The following EPHA5 variants were observed in gnomAD, a reference collection of about 807,000 sequenced individuals.
The protein encoded by EPHA5 is EPH receptor A5, also known as ephrin type-A receptor 5.
EPHA5 carries 60 observed loss-of-function variants against 105.0 expected under a neutral mutation model. The ratio of observed to expected loss-of-function variants is 0.57; its 90% CI spans 0.46 to 0.71. The LOEUF is 0.71. EPHA5 is among the 30% of genes least tolerant of loss of function. The probability of loss-of-function intolerance (pLI) is 0.00; values close to 1 mark genes in which losing one functional copy is unlikely to be tolerated. For synonymous variants in EPHA5, 513 were observed against 449.1 expected, an observed-to-expected ratio of 1.14 and a Z score of -1.80; for missense variants, 1,218 against 1,274.7, an observed-to-expected ratio of 0.96 and a Z score of 0.68.
At chr4:65,455,325 T>C (rs4280786) in intron 5 of EPHA5, among the ~76,000 whole-genome samples, 19,628 of 152,182 alleles carry the variant, frequency 0.13, 1,805 homozygotes, top group East Asian at 0.4. Context: ...TAGTGGGAAA[T>C]CACCTAAATT....
chr4:65,571,253 C>A (rs568168825), intron 3 of EPHA5, among the ~76,000 whole-genome samples: 1 of 150,722 alleles, frequency 6.6e-6, no homozygotes, highest in Non-Finnish European at 1.5e-5. Context: ...TAAAAAGGAA[C>A]GCTTATTAAT....
intron 5 of EPHA5, among the ~76,000 whole-genome samples, chr4:65,435,857 A>C (rs899767002): frequency 6.6e-6 from 1 of 152,142 alleles, no homozygotes; most frequent in African/African-American, 2.4e-5. Context: ...GGTGGATTCA[A>C]TTATCTGACT....
Position 65,348,107 on chromosome 4 carries a change from A to G in EPHA5, c.2542T>C (p.Trp848Arg). The change falls in exon 14 of 17, where the codon TGG becomes CGG. Residue 848 changes from tryptophan to arginine, a missense_variant. Physicochemically the swap from Trp to Arg is moderately radical, Grantham distance 101. Transcript: ENST00000613740. ...CTCTCTCCATAAGACACAACTTCCC[A>G]CATTACTATTCCATAACTCCAGACA... is the stretch of plus-strand genomic sequence containing the variant. ...SDVWSYGIVM[W>R]EVVSYGERPY... is the part of the protein sequence containing the mutation. 6.2e-7 allele frequency: 1 copy of G among 1,613,286 alleles called. No homozygotes were observed. The highest frequency in any genetic ancestry group is 8.5e-7 in the Non-Finnish European group (1 of 1,179,596).
intron 6 of EPHA5, among the ~76,000 whole-genome samples, chr4:65,418,814 A>AATT (rs910057238): frequency 1.4e-5 from 2 of 143,400 alleles, no homozygotes; most frequent in African/African-American, 5.2e-5. Flanking sequence ...TTTATTTTTG[A>AATT]ATTTTGTATA....
intron 3 of EPHA5, among the ~76,000 whole-genome samples, chr4:65,600,831 G>T (rs2149435125): frequency 6.6e-6 from 1 of 152,124 alleles, no homozygotes; most frequent in South Asian, 2.1e-4. Flanking sequence ...ATACTCCCCT[G>T]TTCCAGAAAG....
chr4:65,634,299 C>G (rs888178684), intron 2 of EPHA5, among the ~76,000 whole-genome samples: 5 of 152,006 alleles, frequency 3.3e-5, no homozygotes, highest in African/African-American at 1.2e-4. Context: ...CCTAATGAAG[C>G]TAATGAACAA....
intron 3 of EPHA5, among the ~76,000 whole-genome samples, chr4:65,590,687 TAGTC>T (rs1222487083): frequency 1.3e-5 from 2 of 152,154 alleles, no homozygotes; most frequent in African/African-American, 2.4e-5. Context: ...CACTTGCTAT[TAGTC>T]AGATAGTTTT....
chr4:65,466,536 A>T (rs548290782), intron 5 of EPHA5, among the ~76,000 whole-genome samples: 10 of 152,330 alleles, frequency 6.6e-5, no homozygotes, highest in Admixed American at 2.6e-4. Flanking sequence ...TGTATTAAAA[A>T]TAAACTGTAG....
chr4:65,604,460 A>G (rs1158886413), intron 2 of EPHA5, among the ~76,000 whole-genome samples: 1 of 152,216 alleles, frequency 6.6e-6, no homozygotes, highest in Non-Finnish European at 1.5e-5. Context: ...TACCCAAAAC[A>G]TAAATGATGG....
At chr4:65,344,538 A>G (rs1346233263) in intron 14 of EPHA5, among the ~76,000 whole-genome samples, 2 of 152,188 alleles carry the variant, frequency 1.3e-5, no homozygotes, top group Non-Finnish European at 2.9e-5. Context: ...AAATATCTCA[A>G]GTGTGAATAG....
intron 5 of EPHA5, among the ~76,000 whole-genome samples, chr4:65,481,625 C>T (rs374797997): frequency 4.6e-5 from 7 of 152,164 alleles, no homozygotes; most frequent in African/African-American, 1.4e-4. Flanking sequence ...ATCCCAACAT[C>T]CTCTTGGGAG....
chr4:65,466,742 GT>G (rs1728759916), intron 5 of EPHA5, among the ~76,000 whole-genome samples: 1 of 152,162 alleles, frequency 6.6e-6, no homozygotes, highest in Non-Finnish European at 1.5e-5. Flanking sequence ...CATCAAAAGT[GT>G]TTCCAAGATT....
At chr4:65,580,783 C>T (rs983276780) in intron 3 of EPHA5, among the ~76,000 whole-genome samples, 3 of 83,584 alleles carry the variant, frequency 3.6e-5, no homozygotes, top group Admixed American at 1.7e-4. Flanking sequence ...CTAAATAACA[C>T]AGTTTACTTT....
chr4:65,332,808 T>A (rs989036949), intron 15 of EPHA5, among the ~76,000 whole-genome samples: 8 of 151,932 alleles, frequency 5.3e-5, no homozygotes, highest in Non-Finnish European at 1.2e-4. Context: ...TATAGCTATG[T>A]GGGATAATTT....
At chr4:65,477,666 G>A (rs1393393264) in intron 5 of EPHA5, among the ~76,000 whole-genome samples, 1 of 152,030 alleles carries the variant, frequency 6.6e-6, no homozygotes, top group Non-Finnish European at 1.5e-5. Flanking sequence ...CCCTGCCTCG[G>A]CCTCCCAAAG....
chr4:65,505,231 C>T (rs991896033), intron 3 of EPHA5, among the ~76,000 whole-genome samples: 9 of 151,958 alleles, frequency 5.9e-5, no homozygotes, highest in Non-Finnish European at 1.2e-4. Context: ...AAGCATTATG[C>T]CTTCTCTACT....
chr4:65,644,896 C>A lies in EPHA5; in HGVS notation c.182-1469G>T, dbSNP rs75658970. 4.1e-3 allele frequency among the ~76,000 whole-genome samples: 630 copies of A among 152,000 alleles called. 37 individuals are homozygous for A. In the East Asian group the frequency reaches 0.11, roughly 26 times the overall value. On this transcript the variant is annotated intron_variant, in intron 1 of 16. Coordinates refer to ENST00000613740, the MANE Select transcript of EPHA5 (RefSeq NM_001281766.3). Reference sequence around the variant, plus strand: ...TTGTTGCTAAATATACTTTATTCATCTATTTTCTGAGCTCATTAACTATAC... The same window carrying A: ...TTGTTGCTAAATATACTTTATTCATATATTTTCTGAGCTCATTAACTATAC...
chr4:65,669,517 C>A (rs1332108690), intron 1 of EPHA5, 45 bp downstream of exon 1: 1 of 1,330,308 alleles, frequency 7.5e-7, no homozygotes, highest in Admixed American at 3.3e-5. Context: ...CCCCGCCTAG[C>A]CCCTCCGCCC....
chr4:65,400,747 A>T (rs917383676), intron 8 of EPHA5, among the ~76,000 whole-genome samples: 1 of 152,088 alleles, frequency 6.6e-6, no homozygotes, highest in Non-Finnish European at 1.5e-5. Flanking sequence ...CATCATTTGC[A>T]CTTTTTTTGT....
Sources: allele counts gnomAD v4.1 joint callset (sites outside exome capture counted in the v4.1 genomes callset), GRCh38; gene constraint gnomAD v4.1.1; transcripts MANE v1.5; gene names NCBI Gene and HGNC (gene_info 2026-07-23, HGNC 2026-07-21).